Variants in RPN2 observed in about 807,000 individuals in gnomAD.
The protein encoded by RPN2 is dolichyl-diphosphooligosaccharide--protein glycosyltransferase subunit 2.
In RPN2, 29 loss-of-function variants were observed where a neutral mutation model predicts 71.4. The ratio of observed to expected loss-of-function variants is 0.41; its 90% CI spans 0.30 to 0.55. The LOEUF (loss-of-function observed/expected upper bound fraction) is 0.55, where lower values mean the gene tolerates loss of function less well. Ranked by LOEUF, RPN2 falls within the 20% of genes least tolerant of loss-of-function variation. RPN2 has a pLI of 0.35. For missense variants in RPN2, 726 were observed against 774.1 expected, an observed-to-expected ratio of 0.94 and a Z score of 0.74; for synonymous variants, 308 against 305.0, an observed-to-expected ratio of 1.01 and a Z score of -0.10.
At chr20:37,231,949 C>T (rs1278524403) in intron 13 of RPN2, among the ~76,000 whole-genome samples, 1 of 152,226 alleles carries the variant, frequency 6.6e-6, no homozygotes, top group East Asian at 1.9e-4. Context: ...AGTCCTGTCA[C>T]TCAAGCCATC....
At chr20:37,208,783 T>G (rs1018966841) in intron 7 of RPN2, among the ~76,000 whole-genome samples, 1 of 152,236 alleles carries the variant, frequency 6.6e-6, no homozygotes, top group African/African-American at 2.4e-5. Context: ...AGTGATAAGC[T>G]AAGATCTTCA....
intron 4 of RPN2, 50 bp from the exon 5 acceptor site, chr20:37,203,835 G>A: frequency 7.7e-7 from 1 of 1,292,522 alleles, no homozygotes; most frequent in East Asian, 2.3e-5. Context: ...AGGGGTGAGT[G>A]GATGAAACAA....
At chr20:37,194,468 G>A (rs1342916969) in intron 2 of RPN2, among the ~76,000 whole-genome samples, 1 of 152,150 alleles carries the variant, frequency 6.6e-6, no homozygotes, top group Non-Finnish European at 1.5e-5. Flanking sequence ...CACCATGTTG[G>A]TCAGGCTGGT....
At position 37,200,149 on chromosome 20, in the gene RPN2, C is replaced by T. The variant is rs1186704767; in HGVS notation, c.479+924C>T. On this transcript the variant is annotated intron_variant, in intron 4 of 16. Coordinates refer to ENST00000237530, the MANE Select transcript of RPN2 (RefSeq NM_002951.5). ...GGCTGGGATTACAGGCGCGCCACCA[C>T]GCCTGGCCAATTTTTGTATTTTTAG... Among the ~76,000 whole-genome samples the T allele has an allele frequency of 5.3e-5, 8 of 152,104 alleles. No individual in the cohort carries two copies. The East Asian group carries it at 7.7e-4, about 15-fold the overall frequency.
In RPN2 at chr20:37,210,149, T is replaced by A. The variant is rs772213085; in HGVS notation, c.970T>A (p.Ser324Thr). ...ASRATVLQKT[S>T]FTPVGDVFEL... ...CAGAGCCACTGTCCTCCAGAAGACA[T>A]CCTTCACCCCTGTAGGGTAAGTCCT... Residue 324 changes from serine (S) to threonine (T), a missense_variant, in exon 8 of 17, where the codon TCC becomes ACC. Coordinates refer to ENST00000237530, the MANE Select transcript of RPN2 (RefSeq NM_002951.5). 19 of 1,614,078 alleles carry A rather than the reference T, an allele frequency of 1.2e-5. No homozygotes were observed. The highest frequency in any genetic ancestry group is 3.3e-4 in the Middle Eastern group (2 of 6,062).
chr20:37,192,457 G>A (rs1332637861), intron 2 of RPN2, among the ~76,000 whole-genome samples: 7 of 152,210 alleles, frequency 4.6e-5, no homozygotes, highest in African/African-American at 1.7e-4. Flanking sequence ...AGAGGGAGCC[G>A]GCACTCACCC....
chr20:37,241,390 G>GA lies in RPN2; in HGVS notation c.*80dup, dbSNP rs2068546503. ...TCAAGAACAATTCACAGTATGAGAA[G>GA]AAAAATGGAAAAAAAAAACTTTATT... On this transcript the variant is annotated 3_prime_UTR_variant, in exon 17 of 17. Coordinates refer to ENST00000237530, the MANE Select transcript of RPN2 (RefSeq NM_002951.5). 2.0e-6 allele frequency: 3 copies of GA among 1,486,418 alleles called. No homozygotes were observed. The highest frequency in any genetic ancestry group is 2.7e-6 in the Non-Finnish European group (3 of 1,091,570). 92.1% of individuals were successfully genotyped at this position (1,486,418 alleles called of 1,614,324 possible).
At chr20:37,208,202 A>C (rs1036002819) in intron 7 of RPN2, among the ~76,000 whole-genome samples, 1 of 151,410 alleles carries the variant, frequency 6.6e-6, no homozygotes, top group African/African-American at 2.4e-5. Context: ...CCTGGGAGGC[A>C]GAGGTTGCAG....
chr20:37,204,645 A>G, intron 5 of RPN2, 122 bp from the exon 6 acceptor site: 4 of 1,054,280 alleles, frequency 3.8e-6, no homozygotes, highest in South Asian at 3.8e-5. Context: ...AGTGACTGAG[A>G]TGGTCTTCAG....
intron 9 of RPN2, among the ~76,000 whole-genome samples, chr20:37,216,072 C>T (rs554954588): frequency 3.3e-4 from 50 of 152,264 alleles, no homozygotes; most frequent in African/African-American, 1.1e-3. Context: ...GGTGAGGTGG[C>T]TCACACCTGT....
At position 37,221,078 on chromosome 20, in the gene RPN2, C is replaced by T. The variant is rs1008758517; in HGVS notation, c.1093-2800C>T. Among the ~76,000 whole-genome samples, 6 of 152,174 alleles carry T rather than the reference C, an allele frequency of 3.9e-5. No homozygotes were observed. The East Asian group carries it at 1.2e-3, about 29-fold the overall frequency. On this transcript the variant is annotated intron_variant, in intron 9 of 16. Coordinates refer to ENST00000237530, the MANE Select transcript of RPN2 (RefSeq NM_002951.5). ...ACACACGAAGCTGGATCCTGATTAGCTGGCCTTGGTGGCCAGTTAGTGCTG... is the reference window on the plus strand; with the variant it reads ...ACACACGAAGCTGGATCCTGATTAGTTGGCCTTGGTGGCCAGTTAGTGCTG...
chr20:37,225,530 C>T (rs757545452), intron 10 of RPN2, among the ~76,000 whole-genome samples, 158 bp from the exon 11 acceptor site: 7 of 152,184 alleles, frequency 4.6e-5, no homozygotes, highest in Non-Finnish European at 8.8e-5. Context: ...TCCAATTTGC[C>T]CCCAGGTTGC....
intron 2 of RPN2, among the ~76,000 whole-genome samples, chr20:37,187,097 T>A (rs1365937578): frequency 6.6e-6 from 1 of 152,222 alleles, no homozygotes; most frequent in Non-Finnish European, 1.5e-5. Context: ...CTATCGCTTA[T>A]AAATAGTATA....
intron 7 of RPN2, 101 bp from the exon 8 acceptor site, chr20:37,209,946 T>C (rs1453227533): frequency 6.4e-7 from 1 of 1,563,982 alleles, no homozygotes; most frequent in African/African-American, 1.4e-5. Context: ...GGGGATTTGC[T>C]CTCCTGCAGA....
intron 11 of RPN2, among the ~76,000 whole-genome samples, chr20:37,228,038 G>T (rs1005702586): frequency 1.3e-5 from 2 of 152,154 alleles, no homozygotes; most frequent in Non-Finnish European, 2.9e-5. Context: ...CTTCCAAGCC[G>T]AGGCTCTCTC....
At chr20:37,233,666 A>G (rs1339891261) in intron 14 of RPN2, among the ~76,000 whole-genome samples, 1 of 152,228 alleles carries the variant, frequency 6.6e-6, no homozygotes, top group Non-Finnish European at 1.5e-5. Context: ...ACCAATTCTT[A>G]GAGAACTTAG....
At chr20:37,203,404 T>C (rs919042291) in intron 4 of RPN2, among the ~76,000 whole-genome samples, 1 of 149,558 alleles carries the variant, frequency 6.7e-6, no homozygotes, top group Admixed American at 6.7e-5. Context: ...GGTCTCACTC[T>C]ATTGCTCAGG....
intron 10 of RPN2, 146 bp downstream of exon 10, chr20:37,224,115 G>A (rs970392358): frequency 1.4e-6 from 1 of 712,720 alleles, no homozygotes; most frequent in Non-Finnish European, 2.5e-6. Context: ...TAGTTCCACT[G>A]GTCCTGCACC....
At chr20:37,209,644 A>G (rs1400253973) in intron 7 of RPN2, among the ~76,000 whole-genome samples, 2 of 152,014 alleles carry the variant, frequency 1.3e-5, no homozygotes, top group African/African-American at 4.8e-5. Flanking sequence ...TTTAATTTAA[A>G]AAACTTTTTT....
Sources: gnomAD v4.1 joint callset for allele counts (sites outside exome capture counted in the v4.1 genomes callset) on GRCh38, gnomAD v4.1.1 for gene constraint, MANE v1.5 for transcripts, NCBI Gene and HGNC (gene_info 2026-07-23, HGNC 2026-07-21) for gene names.